TRDN: variants seen among roughly 807,000 people sequenced by gnomAD.
TRDN encodes the protein triadin in skeletal muscle.
TRDN carries 161 observed loss-of-function variants against 149.7 expected under a neutral mutation model. The ratio of observed to expected loss-of-function variants is 1.08; its 90% CI spans 0.95 to 1.23. The LOEUF (loss-of-function observed/expected upper bound fraction) is 1.23, where lower values mean the gene tolerates loss of function less well. TRDN is among the 50% of genes most tolerant of loss of function. The pLI is 0.00. For synonymous variants in TRDN, 294 were observed against 250.5 expected, an observed-to-expected ratio of 1.17 and a Z score of -1.64; for missense variants, 896 against 823.5, an observed-to-expected ratio of 1.09 and a Z score of -1.08.
intron 22 of TRDN, among the ~76,000 whole-genome samples, chr6:123,335,444 C>T (rs189912483): frequency 4.4e-4 from 66 of 151,486 alleles, no homozygotes; most frequent in East Asian, 1.4e-3. Flanking sequence ...TGGAAAATTA[C>T]GTATATAAGG....
intron 20 of TRDN, among the ~76,000 whole-genome samples, chr6:123,361,329 C>A (rs1440749770): frequency 3.3e-5 from 5 of 151,618 alleles, no homozygotes; most frequent in Non-Finnish European, 7.4e-5. Flanking sequence ...GGGAGTGGAA[C>A]AATGAGAACA....
At chr6:123,300,560 G>T (rs1448346068) in intron 24 of TRDN, among the ~76,000 whole-genome samples, 2 of 151,872 alleles carry the variant, frequency 1.3e-5, no homozygotes, top group African/African-American at 4.8e-5. Flanking sequence ...TCATAGACTG[G>T]TTCGGAAGCT....
chr6:123,589,081 A>T (rs540272889), intron 1 of TRDN, among the ~76,000 whole-genome samples: 1 of 152,284 alleles, frequency 6.6e-6, no homozygotes, highest in Non-Finnish European at 1.5e-5. Context: ...TTGTAGAAAA[A>T]TTATTCATCT....
chr6:123,254,802 C>A, intron 37 of TRDN: 1 of 261,692 alleles, frequency 3.8e-6, no homozygotes, highest in South Asian at 5.2e-5. Context: ...ATTATTCATG[C>A]TAAAAAAGTC....
At chr6:123,568,338 A>T (rs1394559978) in intron 2 of TRDN, among the ~76,000 whole-genome samples, 2 of 152,068 alleles carry the variant, frequency 1.3e-5, no homozygotes, top group Non-Finnish European at 2.9e-5. Flanking sequence ...CTGCCAGTGG[A>T]TCTATCATTT....
chr6:123,577,255 C>T (rs1185603462), intron 1 of TRDN, among the ~76,000 whole-genome samples: 8 of 152,010 alleles, frequency 5.3e-5, no homozygotes, highest in African/African-American at 7.2e-5. Context: ...TACTAAGCTT[C>T]GTTACCCAAC....
Position 123,559,183 on chromosome 6 carries a change from T to C in TRDN, c.233-10571A>G, listed in dbSNP as rs754811338. Among the ~76,000 whole-genome samples the C allele has an allele frequency of 3.4e-4, 52 of 152,018 alleles. 1 individual carries two copies. Among genetic ancestry groups the C allele is most frequent in the Non-Finnish European group, 6.2e-4 (42 of 67,996 alleles). ...GGTAACTCTCACAGTGGAGGGTGAG[T>C]CTGTCCCCTTCTTAATCAAAATGAA... On this transcript the variant is annotated intron_variant, in intron 2 of 40. Transcript: ENST00000334268.
intron 1 of TRDN, among the ~76,000 whole-genome samples, chr6:123,572,112 T>A (rs1782610196): frequency 6.6e-6 from 1 of 152,180 alleles, no homozygotes; most frequent in Non-Finnish European, 1.5e-5. Context: ...TTGACAATAC[T>A]ATCAGTGATG....
chr6:123,487,951 G>A (rs1305622839), intron 9 of TRDN, among the ~76,000 whole-genome samples: 1 of 152,032 alleles, frequency 6.6e-6, no homozygotes, highest in Non-Finnish European at 1.5e-5. Flanking sequence ...ACAATCTAAT[G>A]CCTAAGTCTA....
chr6:123,387,986 T>C (rs1295395769), intron 14 of TRDN, among the ~76,000 whole-genome samples: 1 of 151,890 alleles, frequency 6.6e-6, no homozygotes, highest in African/African-American at 2.4e-5. Context: ...AAAGCACAGC[T>C]CATCCCAAGC....
chr6:123,260,261 G>C (rs1253505020), intron 34 of TRDN, among the ~76,000 whole-genome samples: 1 of 152,010 alleles, frequency 6.6e-6, no homozygotes, highest in African/African-American at 2.4e-5. Context: ...GTAAACTAAT[G>C]AATTAAAGCA....
chr6:123,429,248 T>G (rs1774239905), intron 12 of TRDN: 1 of 152,210 alleles, frequency 6.6e-6, no homozygotes, highest in South Asian at 2.1e-4. Context: ...CCTATTCCAA[T>G]GCTGGGTTTC....
At chr6:123,336,637 T>A (rs1779881736) in intron 22 of TRDN, among the ~76,000 whole-genome samples, 1 of 151,922 alleles carries the variant, frequency 6.6e-6, no homozygotes, top group Non-Finnish European at 1.5e-5. Context: ...GAGATTATAG[T>A]CTATGCTTTT....
intron 10 of TRDN, among the ~76,000 whole-genome samples, chr6:123,460,493 G>T (rs1776387833): frequency 6.6e-6 from 1 of 151,930 alleles, no homozygotes; most frequent in African/African-American, 2.4e-5. Context: ...TGTAACTAAA[G>T]GGCAATCCTA....
intron 1 of TRDN, among the ~76,000 whole-genome samples, chr6:123,574,889 TATATAC>T (rs1260854509): frequency 0.028 from 2,952 of 106,940 alleles, 107 homozygotes; most frequent in African/African-American, 0.097. Context: ...TATATATATA[TATATAC>T]ACACATTTTC....
chr6:123,437,948 C>T (rs748973595), intron 12 of TRDN, 115 bp downstream of exon 12: 28 of 892,886 alleles, frequency 3.1e-5, no homozygotes, highest in Non-Finnish European at 3.3e-5. Flanking sequence ...TTGACCTTCA[C>T]GTCTTGGGTA....
chr6:123,299,535 G>T (rs9490721), intron 24 of TRDN, among the ~76,000 whole-genome samples: 1 of 151,838 alleles, frequency 6.6e-6, no homozygotes, highest in South Asian at 2.1e-4. Context: ...TGTCAAATTT[G>T]AGCAGCAAGT....
intron 14 of TRDN, among the ~76,000 whole-genome samples, chr6:123,388,102 G>A (rs186243576): frequency 8.7e-6 from 1 of 115,224 alleles, no homozygotes; most frequent in East Asian, 2.1e-4. Flanking sequence ...GAGAGGCAGA[G>A]CAATGGGAGA....
At chr6:123,573,542 T>G (rs1782681162) in intron 1 of TRDN, among the ~76,000 whole-genome samples, 1 of 151,998 alleles carries the variant, frequency 6.6e-6, no homozygotes, top group African/African-American at 2.4e-5. Flanking sequence ...ATGCAGGCAT[T>G]TGTTTCCATT....
Sources: allele counts gnomAD v4.1 joint callset (sites outside exome capture counted in the v4.1 genomes callset), GRCh38; gene constraint gnomAD v4.1.1; transcripts MANE v1.5; gene names NCBI Gene and HGNC (gene_info 2026-07-23, HGNC 2026-07-21).